The following HSD17B2 variants were observed in gnomAD, a reference collection of about 807,000 sequenced individuals.
The protein encoded by HSD17B2 is 17-beta-hydroxysteroid dehydrogenase type 2.
HSD17B2 carries 32 observed loss-of-function variants against 26.9 expected under a neutral mutation model. That is an observed-to-expected ratio of 1.19 (90% CI 0.90 to 1.60). The LOEUF is 1.60. Among genes scored for constraint, HSD17B2 ranks in the 40% most tolerant of loss-of-function variants. HSD17B2 has a pLI of 0.00. For missense variants in HSD17B2, 613 were observed against 468.6 expected (o/e 1.31, Z -2.85); for synonymous variants, 246 against 186.7 (o/e 1.32, Z -2.59).
chr16:82,036,524 A>C (rs1475771049), intron 1 of HSD17B2, among the ~76,000 whole-genome samples: 4 of 152,072 alleles, frequency 2.6e-5, no homozygotes, highest in African/African-American at 9.7e-5. Context: ...CTGTGGAATC[A>C]TTTGGGGGAG....
chr16:82,078,924 C>CA lies in HSD17B2; in HGVS notation c.664+7803dup, dbSNP rs1764732926. ...GGGAAGTAGGAATGGTTAATGGGTA[C>CA]AAAAAATAGAACGAATGAATAAGAT... On this transcript the variant is annotated intron_variant, in intron 3 of 4. Coordinates refer to ENST00000199936, the MANE Select transcript of HSD17B2 (RefSeq NM_002153.3). Among the ~76,000 whole-genome samples the CA allele has an allele frequency of 2.0e-5, 3 of 151,934 alleles. No homozygotes were observed. The South Asian group carries it at 6.2e-4, about 32-fold the overall frequency.
At chr16:82,050,701 T>C (rs1276719590) in intron 1 of HSD17B2, among the ~76,000 whole-genome samples, 1 of 152,224 alleles carries the variant, frequency 6.6e-6, no homozygotes, top group Non-Finnish European at 1.5e-5. Context: ...TTTACTGTTC[T>C]TTTCACCGGG....
chr16:82,070,738 C>T (rs1011896455), intron 2 of HSD17B2: 2 of 584,864 alleles, frequency 3.4e-6, no homozygotes, highest in Non-Finnish European at 6.1e-6. Context: ...TACATCTCTG[C>T]ACATCTAGCT....
At chr16:82,036,248 T>C (rs1048782985) in intron 1 of HSD17B2, among the ~76,000 whole-genome samples, 6 of 152,130 alleles carry the variant, frequency 3.9e-5, no homozygotes, top group Non-Finnish European at 8.8e-5. Context: ...CTAATGTTTC[T>C]TAATTGGACC....
At chr16:82,041,842 G>C (rs559541182) in intron 1 of HSD17B2, among the ~76,000 whole-genome samples, 14 of 152,182 alleles carry the variant, frequency 9.2e-5, no homozygotes, top group African/African-American at 3.4e-4. Flanking sequence ...TATCTCCTCT[G>C]AGAGAGGACT....
Position 82,050,871 on chromosome 16 carries a change from T to C in HSD17B2, c.265+15182T>C, listed in dbSNP as rs144941570. ...GACATTTGGGGCTGGAAAATTTCTT[T>C]GTCGTTGGAACTTTTCTGTACATTA... is the stretch of plus-strand genomic sequence containing the variant. On this transcript the variant is annotated intron_variant, in intron 1 of 4. Coordinates refer to ENST00000199936, the MANE Select transcript of HSD17B2 (RefSeq NM_002153.3). 1.5e-4 allele frequency among the ~76,000 whole-genome samples: 23 copies of C among 152,334 alleles called. No individual in the cohort carries two copies. The East Asian group carries it at 4.0e-3, about 27-fold the overall frequency.
chr16:82,063,175 T>C (rs2143966651), intron 1 of HSD17B2: 1 of 152,346 alleles, frequency 6.6e-6, no homozygotes, highest in Non-Finnish European at 1.5e-5. Context: ...AATCAGGCAG[T>C]CTGAGTCTTA....
intron 3 of HSD17B2, among the ~76,000 whole-genome samples, chr16:82,075,533 C>T (rs1001097944): frequency 1.3e-5 from 2 of 152,036 alleles, no homozygotes; most frequent in African/African-American, 4.8e-5. Context: ...ACAAAGGAGA[C>T]ATTACAACCA....
At chr16:82,096,230 T>C (rs892251361) in intron 4 of HSD17B2, 6 of 152,152 alleles carry the variant, frequency 3.9e-5, no homozygotes, top group African/African-American at 1.4e-4. Flanking sequence ...TATTTATTTA[T>C]TTATTTATTG....
At chr16:82,044,024 G>C (rs1462060884) in intron 1 of HSD17B2, among the ~76,000 whole-genome samples, 1 of 152,120 alleles carries the variant, frequency 6.6e-6, no homozygotes, top group Non-Finnish European at 1.5e-5. Context: ...AATCTTCTTT[G>C]AACTAAATCT....
chr16:82,057,921 A>G (rs1165820780), intron 1 of HSD17B2, among the ~76,000 whole-genome samples: 1 of 152,218 alleles, frequency 6.6e-6, no homozygotes, highest in African/African-American at 2.4e-5. Flanking sequence ...TGTCCTGAAC[A>G]GGATCCTACA....
In HSD17B2 at chr16:82,070,933, T is replaced by C; in HGVS notation, c.479-9T>C. 6.2e-7 allele frequency: 1 copy of C among 1,607,080 alleles called. No homozygotes were observed. Among genetic ancestry groups the C allele is most frequent in the Non-Finnish European group, 8.5e-7 (1 of 1,175,470 alleles). On this transcript the variant is annotated splice_polypyrimidine_tract_variant and intron_variant, in intron 2 of 4. Coordinates refer to ENST00000199936, the MANE Select transcript of HSD17B2 (RefSeq NM_002153.3). ...CAGACACTCACTCATTATGGTTTTC[T>C]GTCTCCAGGACTGTGGGCTGTGATC...
intron 3 of HSD17B2, among the ~76,000 whole-genome samples, chr16:82,075,542 C>A (rs1031123939): frequency 1.3e-5 from 2 of 151,942 alleles, no homozygotes; most frequent in African/African-American, 4.8e-5. Context: ...ACATTACAAC[C>A]AATACCACAG....
At position 82,068,312 on chromosome 16, in the gene HSD17B2, A is replaced by G. The variant is rs905949154; in HGVS notation, c.408A>G (p.Gln136=). ...GCTCTCCGCGCCTCTCGGTGCTCCAAATGGACATCACGAAGCCAGTGCAGA... is the reference window on the plus strand; with the variant it reads ...GCTCTCCGCGCCTCTCGGTGCTCCAGATGGACATCACGAAGCCAGTGCAGA... ...RTCSPRLSVL[Q]MDITKPVQIK... Residue 136 remains glutamine (Q), a synonymous_variant, in exon 2 of 5, where the codon CAA becomes CAG. Transcript: ENST00000199936. The G allele has an allele frequency of 2.5e-6, 4 of 1,613,914 alleles. No individual in the cohort carries two copies. Among genetic ancestry groups the G allele is most frequent in the Admixed American group, 3.3e-5 (2 of 59,994 alleles).
chr16:82,093,021 G>C (rs1214492745), intron 4 of HSD17B2: 1 of 152,126 alleles, frequency 6.6e-6, no homozygotes, highest in Non-Finnish European at 1.5e-5. Flanking sequence ...TAGTTCTGGA[G>C]AGCTGTTCTC....
At chr16:82,071,729 T>C (rs1272310472) in intron 3 of HSD17B2, 1 of 163,374 alleles carries the variant, frequency 6.1e-6, no homozygotes, top group Non-Finnish European at 1.3e-5. Flanking sequence ...AAAATGCCCA[T>C]GCGTGTCATA....
In HSD17B2 at chr16:82,098,316, C is replaced by A; in HGVS notation, c.1044C>A (p.Ile348=). 6.2e-7 allele frequency: 1 copy of A among 1,614,222 alleles called. No homozygotes were observed. The highest frequency in any genetic ancestry group is 8.5e-7 in the Non-Finnish European group (1 of 1,180,024). ...YTPGKGAYLW[I]CLAHYLPIGI... Reference sequence around the variant, plus strand: ...CAGGGAAAGGCGCTTACTTGTGGATCTGCCTTGCTCACTATTTGCCTATTG... The same window carrying A: ...CAGGGAAAGGCGCTTACTTGTGGATATGCCTTGCTCACTATTTGCCTATTG... The change falls in exon 5 of 5, where the codon ATC becomes ATA. Residue 348 remains isoleucine, a synonymous_variant. Coordinates refer to ENST00000199936, the MANE Select transcript of HSD17B2 (RefSeq NM_002153.3).
Position 82,062,406 on chromosome 16 carries a change from T to G in HSD17B2, c.266-5764T>G, listed in dbSNP as rs78044662. ...TCAGCACTAGTGACAAAGGACCCTCTCTCAGTTTGTAAGGCACAAATATTC... is the reference window on the plus strand; with the variant it reads ...TCAGCACTAGTGACAAAGGACCCTCGCTCAGTTTGTAAGGCACAAATATTC... On this transcript the variant is annotated intron_variant, in intron 1 of 4. Coordinates refer to ENST00000199936, the MANE Select transcript of HSD17B2 (RefSeq NM_002153.3). Among the ~76,000 whole-genome samples the G allele has an allele frequency of 3.2e-3, 480 of 152,324 alleles. 8 individuals carry two copies. The East Asian group carries it at 0.034, about 11-fold the overall frequency.
chr16:82,067,502 T>C (rs985960570), intron 1 of HSD17B2, among the ~76,000 whole-genome samples: 1 of 152,220 alleles, frequency 6.6e-6, no homozygotes, highest in Non-Finnish European at 1.5e-5. Flanking sequence ...AGTCATACTT[T>C]GTGTATTACA....
Sources: allele counts gnomAD v4.1 joint callset (sites outside exome capture counted in the v4.1 genomes callset), GRCh38; gene constraint gnomAD v4.1.1; transcripts MANE v1.5; gene names NCBI Gene and HGNC (gene_info 2026-07-23, HGNC 2026-07-21).